Variants in TMC1 observed in about 807,000 individuals in gnomAD.
TMC1 encodes the protein transmembrane channel-like protein 1.
Under a neutral mutation model 105.8 loss-of-function variants are expected in TMC1, and 84 were observed. That is an observed-to-expected ratio of 0.79 (90% CI 0.67 to 0.95). The LOEUF (loss-of-function observed/expected upper bound fraction) is 0.95. TMC1 is among the 40% of genes least tolerant of loss of function. The pLI is 0.00. For synonymous variants in TMC1, 315 were observed against 311.5 expected (o/e 1.01, Z -0.12); for missense variants, 817 against 914.1 (o/e 0.89, Z 1.37).
intron 5 of TMC1, 82 bp downstream of exon 5, chr9:72,648,746 GT>G: frequency 7.5e-7 from 1 of 1,329,696 alleles, no homozygotes; most frequent in Non-Finnish European, 1.1e-6. Flanking sequence ...TGGAAAGTTT[GT>G]TTTACAATTT....
At chr9:72,792,708 TAAAACAAAAC>T (rs755199247) in intron 17 of TMC1, among the ~76,000 whole-genome samples, 1 of 151,750 alleles carries the variant, frequency 6.6e-6, no homozygotes, top group Non-Finnish European at 1.5e-5. Flanking sequence ...TTGTTTGCTG[TAAAACAAAAC>T]AAAACAAAAC....
intron 2 of TMC1, among the ~76,000 whole-genome samples, chr9:72,603,860 T>C (rs1184435575): frequency 1.4e-5 from 2 of 142,768 alleles, no homozygotes; most frequent in South Asian, 4.6e-4. Flanking sequence ...TTTTTTTTTT[T>C]TTTTTTTTTT....
chr9:72,754,325 A>AT, intron 11 of TMC1, among the ~76,000 whole-genome samples: 1 of 152,168 alleles, frequency 6.6e-6, no homozygotes, highest in Non-Finnish European at 1.5e-5. Context: ...ACACCCACAA[A>AT]TTACATGATT....
At chr9:72,679,961 A>G (rs1826261079) in intron 5 of TMC1, among the ~76,000 whole-genome samples, 2 of 151,470 alleles carry the variant, frequency 1.3e-5, no homozygotes, top group South Asian at 2.1e-4. Flanking sequence ...CTATTCCAAA[A>G]TGAGATTATT....
intron 2 of TMC1, among the ~76,000 whole-genome samples, chr9:72,579,817 T>G (rs1824446069): frequency 6.6e-6 from 1 of 151,668 alleles, no homozygotes; most frequent in East Asian, 1.9e-4. Flanking sequence ...AGCCCAGGAG[T>G]TCAAGACCAG....
chr9:72,827,044 G>A, intron 21 of TMC1, 50 bp downstream of exon 21: 9 of 1,611,982 alleles, frequency 5.6e-6, no homozygotes, highest in Non-Finnish European at 7.6e-6. Flanking sequence ...GTTCTTCCTG[G>A]CTGTTTTTAC....
intron 1 of TMC1, among the ~76,000 whole-genome samples, chr9:72,534,057 T>A (rs1253035139): frequency 6.6e-6 from 1 of 152,090 alleles, no homozygotes; most frequent in African/African-American, 2.4e-5. Context: ...CGCTTAAACC[T>A]GGGAGGCAGA....
chr9:72,560,508 C>CT lies in TMC1; in HGVS notation c.-427-17386dup, dbSNP rs1306521498. 1.6e-4 allele frequency among the ~76,000 whole-genome samples: 25 copies of CT among 151,752 alleles called. 1 individual carries two copies. In the East Asian group the frequency reaches 4.4e-3, roughly 27 times the overall value. On this transcript the variant is annotated intron_variant, in intron 1 of 23. Transcript: ENST00000297784. ...TTGTTGTCATTTTCCTTTTCTTTTT[C>CT]TTTTTTTTGAGGCCAAGTCTCTTTC...
intron 17 of TMC1, among the ~76,000 whole-genome samples, chr9:72,798,233 G>A (rs530165723): frequency 5.9e-5 from 9 of 152,040 alleles, no homozygotes; most frequent in African/African-American, 1.9e-4. Flanking sequence ...TGGCAAGGTC[G>A]CAGAGAAAAA....
intron 13 of TMC1, among the ~76,000 whole-genome samples, chr9:72,780,882 C>G (rs896468571): frequency 6.6e-6 from 1 of 152,148 alleles, no homozygotes; most frequent in Non-Finnish European, 1.5e-5. Context: ...GAGTTCTGCA[C>G]CTTACTGACA....
intron 8 of TMC1, among the ~76,000 whole-genome samples, chr9:72,701,323 A>C (rs1288318723): frequency 6.6e-6 from 1 of 152,218 alleles, no homozygotes; most frequent in Non-Finnish European, 1.5e-5. Flanking sequence ...CAGAGCACAC[A>C]GATTTATAAA....
At chr9:72,670,443 G>A (rs373193268) in intron 5 of TMC1, among the ~76,000 whole-genome samples, 14 of 152,040 alleles carry the variant, frequency 9.2e-5, no homozygotes, top group African/African-American at 2.4e-4. Flanking sequence ...GAACAAAGCC[G>A]AAGACTATAG....
chr9:72,551,825 G>A (rs1235080139), intron 1 of TMC1, among the ~76,000 whole-genome samples: 2 of 152,172 alleles, frequency 1.3e-5, no homozygotes, highest in African/African-American at 4.8e-5. Flanking sequence ...AAGAGGAGAA[G>A]AGACATAGAC....
At chr9:72,814,765 C>T (rs1450881306) in intron 18 of TMC1, among the ~76,000 whole-genome samples, 2 of 152,168 alleles carry the variant, frequency 1.3e-5, no homozygotes, top group African/African-American at 4.8e-5. Flanking sequence ...TCATGAGACT[C>T]TTGAGGCCAA....
At chr9:72,666,815 T>G (rs968465646) in intron 5 of TMC1, among the ~76,000 whole-genome samples, 3 of 152,126 alleles carry the variant, frequency 2.0e-5, no homozygotes, top group African/African-American at 7.2e-5. Flanking sequence ...TTTGGAAGAC[T>G]GAGGTGGGAG....
intron 8 of TMC1, among the ~76,000 whole-genome samples, chr9:72,722,983 G>A (rs1048644736): frequency 2.0e-5 from 3 of 151,964 alleles, no homozygotes; most frequent in African/African-American, 7.3e-5. Context: ...ACTCAACTAA[G>A]GTAAAACTGA....
intron 8 of TMC1, among the ~76,000 whole-genome samples, chr9:72,739,457 G>T (rs1379823974): frequency 6.6e-6 from 1 of 152,184 alleles, no homozygotes; most frequent in Admixed American, 6.5e-5. Context: ...ATGAATTAAT[G>T]TTTTTTATTA....
At chr9:72,809,622 G>T (rs187646456) in intron 18 of TMC1, among the ~76,000 whole-genome samples, 2 of 152,328 alleles carry the variant, frequency 1.3e-5, no homozygotes, top group African/African-American at 4.8e-5. Context: ...GGCCTGCAGG[G>T]TAGATTCAGC....
chr9:72,597,939 A>C (rs977672736), intron 2 of TMC1, among the ~76,000 whole-genome samples: 1 of 152,058 alleles, frequency 6.6e-6, no homozygotes, highest in Non-Finnish European at 1.5e-5. Context: ...GCTGAACCAA[A>C]TGCCACACTC....
Sources: gnomAD v4.1 joint callset for allele counts (sites outside exome capture counted in the v4.1 genomes callset) on GRCh38, gnomAD v4.1.1 for gene constraint, MANE v1.5 for transcripts, NCBI Gene and HGNC (gene_info 2026-07-23, HGNC 2026-07-21) for gene names.